ZEB1: variants seen among roughly 807,000 people sequenced by gnomAD.
ZEB1 encodes the protein zinc finger E-box binding homeobox 1.
ZEB1 carries 21 observed loss-of-function variants against 84.9 expected under a neutral mutation model. The ratio of observed to expected loss-of-function variants is 0.25; its 90% confidence interval spans 0.18 to 0.36. ZEB1 has a LOEUF of 0.36. ZEB1 is among the 10% of genes least tolerant of loss of function. The pLI, the probability that ZEB1 is intolerant of heterozygous loss-of-function variation, is 1.00. For missense variants in ZEB1, 1,104 were observed against 1,330.2 expected (o/e 0.83, Z 2.65); for synonymous variants, 420 against 471.1 (o/e 0.89, Z 1.41).
intron 1 of ZEB1, among the ~76,000 whole-genome samples, chr10:31,406,400 G>A (rs1164235310): frequency 6.6e-6 from 1 of 150,970 alleles, no homozygotes; most frequent in Non-Finnish European, 1.5e-5. Context: ...CTAGCATGAT[G>A]ATATCTCATT....
At chr10:31,463,043 C>G (rs2061990076) in intron 2 of ZEB1, among the ~76,000 whole-genome samples, 1 of 152,156 alleles carries the variant, frequency 6.6e-6, no homozygotes, top group African/African-American at 2.4e-5. Flanking sequence ...AATTGTAGAG[C>G]TATGAACCTG....
At chr10:31,504,749 C>A (rs1024878941) in intron 4 of ZEB1, among the ~76,000 whole-genome samples, 1 of 151,870 alleles carries the variant, frequency 6.6e-6, no homozygotes, top group Admixed American at 6.6e-5. Flanking sequence ...ATTTATTTCT[C>A]GTCTAGTTCA....
At chr10:31,512,400 C>T (rs1184231280) in intron 5 of ZEB1, among the ~76,000 whole-genome samples, 5 of 152,026 alleles carry the variant, frequency 3.3e-5, no homozygotes, top group Admixed American at 6.6e-5. Flanking sequence ...ACATATAAAC[C>T]GTGGGTCAGA....
intron 2 of ZEB1, among the ~76,000 whole-genome samples, chr10:31,480,533 G>C (rs2064907090): frequency 6.6e-6 from 1 of 152,008 alleles, no homozygotes; most frequent in African/African-American, 2.4e-5. Context: ...TATGTAAAAT[G>C]AAAGCAATGG....
intron 2 of ZEB1, 27 bp from the exon 3 acceptor site, chr10:31,495,749 C>A: frequency 6.2e-7 from 1 of 1,611,312 alleles, no homozygotes; most frequent in Non-Finnish European, 8.5e-7. Context: ...CACTATAGAT[C>A]TATTTTAATT....
chr10:31,412,986 A>G (rs1273785704), intron 1 of ZEB1, among the ~76,000 whole-genome samples: 2 of 152,138 alleles, frequency 1.3e-5, no homozygotes, highest in Admixed American at 6.5e-5. Flanking sequence ...AGACTCATAT[A>G]TTTAGGAATT....
intron 1 of ZEB1, among the ~76,000 whole-genome samples, chr10:31,395,164 C>A (rs1413364057): frequency 6.6e-6 from 1 of 152,120 alleles, no homozygotes; most frequent in African/African-American, 2.4e-5. Context: ...AATGAATAAC[C>A]TTACCTTCAT....
intron 1 of ZEB1, among the ~76,000 whole-genome samples, chr10:31,407,289 C>G (rs1347557232): frequency 7.3e-6 from 1 of 136,930 alleles, no homozygotes; most frequent in Non-Finnish European, 1.5e-5. Context: ...TGTTCCCCTT[C>G]CTGTGTCCAT....
intron 1 of ZEB1, among the ~76,000 whole-genome samples, chr10:31,427,369 C>T (rs1342652772): frequency 1.3e-5 from 2 of 152,156 alleles, no homozygotes; most frequent in Non-Finnish European, 2.9e-5. Context: ...GGAACCCCAA[C>T]TCAGTAGGTA....
At chr10:31,522,320 A>G (rs1031552029) in intron 7 of ZEB1, among the ~76,000 whole-genome samples, 5 of 152,354 alleles carry the variant, frequency 3.3e-5, no homozygotes, top group Admixed American at 6.5e-5. Flanking sequence ...ATTAATGAAA[A>G]TATGTTCCCA....
At chr10:31,383,560 T>A (rs1367402357) in intron 1 of ZEB1, among the ~76,000 whole-genome samples, 1 of 152,216 alleles carries the variant, frequency 6.6e-6, no homozygotes, top group African/African-American at 2.4e-5. Context: ...GCTAAATTTT[T>A]AAAAGGTTAC....
rs1385362551 is a variant in ZEB1, at chr10:31,520,606, T to C, written c.1274T>C (p.Val425Ala). The C allele has an allele frequency of 3.1e-6, 5 of 1,613,846 alleles. No individual in the cohort carries two copies. Among genetic ancestry groups the C allele is most frequent in the Non-Finnish European group, 3.4e-6 (4 of 1,179,970 alleles). The change falls in exon 7 of 9, where the codon GTA becomes GCA. Residue 425 changes from valine (V) to alanine (A), a missense_variant. Around this residue, in one of 7 missense-constraint regions of ZEB1, gnomAD observed 531 missense variants for 575.2 expected, o/e 0.92. Transcript: ENST00000424869. This position sits in a 1 kb window ranked among gnomAD's most constrained non-coding sequence, Gnocchi z 5.1. ...CTTAAAGTGGCGGTAGATGGTAATG[T>C]AATAAGGCAAGTGTTGGAGAATAAT... The part of the protein sequence containing the change: ...NVLKVAVDGN[V>A]IRQVLENNQA...
chr10:31,521,145 G>A lies in ZEB1; in HGVS notation c.1813G>A (p.Ala605Thr). The change falls in exon 7 of 9, where the codon GCA (alanine) becomes ACA (threonine). Residue 605 changes from alanine to threonine, a missense_variant. Transcript: ENST00000424869. ...SLLKAYYALN[A>T]QPSAEELSKI... ...CCTAAAAGCATATTATGCTTTGAAT[G>A]CACAACCAAGTGCAGAAGAGCTCTC... The A allele has an allele frequency of 6.2e-7, 1 of 1,614,004 alleles. No homozygotes were observed. Among genetic ancestry groups the A allele is most frequent in the Non-Finnish European group, 8.5e-7 (1 of 1,179,996 alleles).
intron 1 of ZEB1, among the ~76,000 whole-genome samples, chr10:31,369,783 AT>A (rs1278085307): frequency 6.6e-6 from 1 of 152,156 alleles, no homozygotes; most frequent in East Asian, 1.9e-4. Context: ...CTTCCATACT[AT>A]TTACCATAAT....
intron 1 of ZEB1, among the ~76,000 whole-genome samples, chr10:31,398,538 A>T (rs183433570): frequency 6.6e-6 from 1 of 152,262 alleles, no homozygotes; most frequent in East Asian, 1.9e-4. Context: ...TCTTAAAAAA[A>T]ATCTTACTCC....
intron 1 of ZEB1, among the ~76,000 whole-genome samples, chr10:31,380,505 A>G (rs1284772795): frequency 6.6e-6 from 1 of 152,222 alleles, no homozygotes; most frequent in Middle Eastern, 3.4e-3. Flanking sequence ...CAATCTCTCT[A>G]TTGAGAGTTT....
At chr10:31,502,247 A>G in intron 3 of ZEB1, 101 bp from the exon 4 acceptor site, 2 of 1,208,630 alleles carry the variant, frequency 1.7e-6, no homozygotes, top group Non-Finnish European at 1.2e-6. Context: ...AGATTCAAGA[A>G]CAATCATATG....
In ZEB1 at chr10:31,520,924, C is replaced by T. The variant is rs2072193105; in HGVS notation, c.1592C>T (p.Thr531Ile). ...TTTGAAGGGGGGGTGAATGATAGCA[C>T]TTGTCTTCTGTGTGATGATTGTCCA... ...KSFEGGVNDS[T>I]CLLCDDCPGD... The change falls in exon 7 of 9, where the codon ACT (threonine) becomes ATT (isoleucine). Residue 531 changes from threonine to isoleucine, a missense_variant. Coordinates refer to ENST00000424869, the MANE Select transcript of ZEB1 (RefSeq NM_001174096.2). This position sits in a 1 kb window ranked among gnomAD's most constrained non-coding sequence, Gnocchi z 5.1. 2 of 1,614,078 alleles carry T rather than the reference C, an allele frequency of 1.2e-6. No homozygotes were observed. The highest frequency in any genetic ancestry group is 1.7e-6 in the Non-Finnish European group (2 of 1,179,994).
At chr10:31,495,675 G>A in intron 2 of ZEB1, 101 bp from the exon 3 acceptor site, 1 of 1,163,816 alleles carries the variant, frequency 8.6e-7, no homozygotes, top group South Asian at 1.2e-5. Context: ...AATGTGTAAT[G>A]ATCAGATCAG....
Sources: gnomAD v4.1 joint callset for allele counts (sites outside exome capture counted in the v4.1 genomes callset) on GRCh38, gnomAD v4.1.1 for gene constraint, gnomAD v4.1.1 regional missense constraint, Gnocchi (gnomAD v3.1) non-coding constraint, MANE v1.5 for transcripts, NCBI Gene and HGNC (gene_info 2026-07-23, HGNC 2026-07-21) for gene names.